ZBTB11: variants seen among roughly 807,000 people sequenced by gnomAD.
ZBTB11 encodes zinc finger and BTB domain-containing protein 11.
In ZBTB11, 68 loss-of-function variants were observed where a neutral mutation model predicts 113.1. The ratio of observed to expected loss-of-function variants is 0.60; its 90% CI spans 0.49 to 0.74. ZBTB11 has a LOEUF of 0.74. Ranked by LOEUF, ZBTB11 falls within the 30% of genes least tolerant of loss-of-function variation. ZBTB11 has a pLI of 0.00. For synonymous variants in ZBTB11, 518 were observed against 452.6 expected, an observed-to-expected ratio of 1.14 and a Z score of -1.83; for missense variants, 1,104 against 1,279.4, an observed-to-expected ratio of 0.86 and a Z score of 2.09.
intron 6 of ZBTB11, among the ~76,000 whole-genome samples, chr3:101,657,151 AAAAAAC>A (rs1936812951): frequency 6.6e-6 from 1 of 150,840 alleles, no homozygotes; most frequent in Non-Finnish European, 1.5e-5. Flanking sequence ...AAAAAAAAAA[AAAAAAC>A]AAAAAACCCA....
chr3:101,665,273 G>A lies in ZBTB11; in HGVS notation c.1314C>T (p.His438=), dbSNP rs764374731. The A allele has an allele frequency of 3.1e-6, 5 of 1,614,058 alleles. No homozygotes were observed. The highest frequency in any genetic ancestry group is 2.2e-5 in the East Asian group (1 of 44,902). The stretch of plus-strand genomic sequence containing the variant: ...TTACATTCTCTTTTGAAAGTTTAGG[G>A]TGTATATTAGAAACTGTGTTATTTT... The part of the protein sequence containing the change: ...NRENNTVSNI[H]PKLSKENVIS... The change falls in exon 4 of 11, where the codon CAC becomes CAT. Residue 438 remains histidine (H), a synonymous_variant. Transcript: ENST00000312938.
At chr3:101,671,886 G>T in intron 2 of ZBTB11, 92 bp downstream of exon 2, 1 of 943,508 alleles carries the variant, frequency 1.1e-6, no homozygotes, top group Non-Finnish European at 1.7e-6. Context: ...TCAATAAGCA[G>T]TCTTAGTGGT....
At position 101,649,666 on chromosome 3, in the gene ZBTB11, TG is replaced by T. The variant is rs1936665136; in HGVS notation, c.*1499del. 1.3e-5 allele frequency: 2 copies of T among 152,746 alleles called. No homozygotes were observed. Among genetic ancestry groups the T allele is most frequent in the South Asian group, 4.1e-4 (2 of 4,830 alleles). 9.5% of individuals were successfully genotyped at this position (152,746 alleles called of 1,614,324 possible). A position where few individuals can be genotyped will look rare whatever the true frequency, so the allele number is the denominator to read the frequency against. ...TGTATGTCAATTCACGTCTTAAAAT[TG>T]AAAGTCAGCCACACAGCTGTTAAAA... On this transcript the variant is annotated 3_prime_UTR_variant, in exon 11 of 11. Coordinates refer to ENST00000312938, the MANE Select transcript of ZBTB11 (RefSeq NM_014415.4).
intron 1 of ZBTB11, among the ~76,000 whole-genome samples, chr3:101,675,889 G>A (rs1191623771): frequency 6.6e-6 from 1 of 152,108 alleles, no homozygotes; most frequent in Non-Finnish European, 1.5e-5. Context: ...GAGGCCAGAT[G>A]GAGACCAGCT....
chr3:101,674,505 G>T (rs1937131343), intron 1 of ZBTB11, among the ~76,000 whole-genome samples: 1 of 152,026 alleles, frequency 6.6e-6, no homozygotes, highest in Non-Finnish European at 1.5e-5. Flanking sequence ...GAGCTCAGGA[G>T]TTCGAGCCCA....
At chr3:101,661,156 C>T in intron 5 of ZBTB11, among the ~76,000 whole-genome samples, 1 of 151,216 alleles carries the variant, frequency 6.6e-6, no homozygotes, top group East Asian at 1.9e-4. Flanking sequence ...ATCGTTTGAG[C>T]CTGGGACGTG....
intron 8 of ZBTB11, among the ~76,000 whole-genome samples, chr3:101,654,332 T>C (rs1257601017): frequency 6.6e-6 from 1 of 152,146 alleles, no homozygotes; most frequent in Non-Finnish European, 1.5e-5. Context: ...TGAGCTGTTG[T>C]GCCTGTCCCG....
At position 101,665,497 on chromosome 3, in the gene ZBTB11, C is replaced by T. The variant is rs1178466779; in HGVS notation, c.1090G>A (p.Val364Ile). The change falls in exon 4 of 11, where the codon GTA becomes ATA. Residue 364 changes from valine (V) to isoleucine (I), a missense_variant. By Grantham distance (29) the Val-to-Ile change is conservative. Around this residue, in one of 5 missense-constraint regions of ZBTB11, gnomAD observed 535 missense variants for 518.6 expected, o/e 1.03. Coordinates refer to ENST00000312938, the MANE Select transcript of ZBTB11 (RefSeq NM_014415.4). ...LPTELGDCEIVLLVNGELPEA... is the reference protein window; with the variant it reads ...LPTELGDCEIILLVNGELPEA... ...GGCAATTCTCCATTTACCAGTAGTACAATTTCACAATCCCCAAGTTCAGTA... is the reference window on the plus strand; with the variant it reads ...GGCAATTCTCCATTTACCAGTAGTATAATTTCACAATCCCCAAGTTCAGTA... The T allele has an allele frequency of 1.9e-6, 3 of 1,614,192 alleles. No individual in the cohort carries two copies. The highest frequency in any genetic ancestry group is 3.3e-5 in the Admixed American group (2 of 60,012).
chr3:101,656,218 C>T lies in ZBTB11; in HGVS notation c.2077G>A (p.Gly693Ser). The change falls in exon 7 of 11, where the codon GGT (glycine) becomes AGT (serine). Residue 693 changes from glycine (G) to serine (S), a missense_variant. Transcript: ENST00000312938. ...TGAAGACTCTGATGTAATTTTAGAC[C>T]ATGCTTATAGATAAAAGTCTTTCCA... ...VCGKTFIYKH[G>S]LKLHQSLHQS... 6.3e-7 allele frequency: 1 copy of T among 1,590,598 alleles called. No homozygotes were observed. The highest frequency in any genetic ancestry group is 8.6e-7 in the Non-Finnish European group (1 of 1,169,502).
intron 7 of ZBTB11, 133 bp from the exon 8 acceptor site, chr3:101,654,954 C>A (rs990592323): frequency 8.2e-6 from 5 of 609,398 alleles, no homozygotes; most frequent in African/African-American, 5.5e-5. Context: ...CTCGGCTCAT[C>A]GCAAACTCCA....
chr3:101,667,647 T>C (rs1486008448), intron 3 of ZBTB11, among the ~76,000 whole-genome samples: 1 of 152,188 alleles, frequency 6.6e-6, no homozygotes, highest in Non-Finnish European at 1.5e-5. Flanking sequence ...CAGCCATTCC[T>C]AGGAAAGCTA....
chr3:101,664,853 C>A (rs1936953771), intron 4 of ZBTB11, 111 bp downstream of exon 4: 1 of 1,492,108 alleles, frequency 6.7e-7, no homozygotes, highest in African/African-American at 1.4e-5. Flanking sequence ...AAGTTGCTAC[C>A]TTGTACCCAT....
intron 10 of ZBTB11, 116 bp from the exon 11 acceptor site, chr3:101,651,799 T>C (rs183705045): frequency 5.1e-4 from 552 of 1,089,010 alleles, no homozygotes; most frequent in Middle Eastern, 8.1e-4. Context: ...CCTTTCTATC[T>C]GGACTGTGGC....
At chr3:101,672,285 CACA>C in intron 1 of ZBTB11, 72 bp from the exon 2 acceptor site, 1 of 1,003,694 alleles carries the variant, frequency 1.0e-6, no homozygotes, top group Non-Finnish European at 1.5e-6. Flanking sequence ...TTAGTCTGTG[CACA>C]TTAACACATT....
At chr3:101,670,163 T>G (rs887951669) in intron 3 of ZBTB11, among the ~76,000 whole-genome samples, 1 of 152,118 alleles carries the variant, frequency 6.6e-6, no homozygotes, top group African/African-American at 2.4e-5. Flanking sequence ...AAGCCACTGC[T>G]AAGGAAAAAT....
chr3:101,656,024 A>C, intron 7 of ZBTB11, 80 bp downstream of exon 7: 1 of 1,112,834 alleles, frequency 9.0e-7, no homozygotes, highest in Non-Finnish European at 1.2e-6. Context: ...TCAGTTTATC[A>C]ATATAATTTC....
chr3:101,662,867 TCTTTCTG>T (rs1936915475), intron 5 of ZBTB11, among the ~76,000 whole-genome samples: 1 of 151,976 alleles, frequency 6.6e-6, no homozygotes, highest in Non-Finnish European at 1.5e-5. Flanking sequence ...GTTCAAGCCA[TCTTTCTG>T]CCTTAGCCCC....
chr3:101,675,518 C>G (rs1213173350), intron 1 of ZBTB11, among the ~76,000 whole-genome samples: 7 of 152,184 alleles, frequency 4.6e-5, no homozygotes, highest in Non-Finnish European at 1.0e-4. Flanking sequence ...AGAGTGACAG[C>G]ACTGTTCCTA....
Position 101,676,587 on chromosome 3 carries a change from C to G in ZBTB11, c.310+18G>C. ...AACGAGTCGCCAGCCCGCCCCCTCG[C>G]CGCGGGCTAGGTCTCACCTCGCCAC... is the stretch of plus-strand genomic sequence containing the variant. On this transcript the variant is annotated intron_variant, in intron 1 of 10. Transcript: ENST00000312938. 1 of 1,469,920 alleles carries G rather than the reference C, an allele frequency of 6.8e-7. No homozygotes were observed. Among genetic ancestry groups the G allele is most frequent in the South Asian group, 1.4e-5 (1 of 70,588 alleles). 91.1% of individuals were successfully genotyped at this position (1,469,920 alleles called of 1,614,324 possible). A position where few individuals can be genotyped will look rare whatever the true frequency, so the allele number is the denominator to read the frequency against.
Sources: allele counts gnomAD v4.1 joint callset (sites outside exome capture counted in the v4.1 genomes callset), GRCh38; gene constraint gnomAD v4.1.1; regional missense constraint gnomAD v4.1.1; transcripts MANE v1.5; gene names NCBI Gene and HGNC (gene_info 2026-07-23, HGNC 2026-07-21).